SPRY3: variants seen among roughly 807,000 people sequenced by gnomAD.
SPRY3 encodes sprouty RTK signaling antagonist 3.
SPRY3 carries 15 observed loss-of-function variants against 20.2 expected under a neutral mutation model. The ratio of observed to expected loss-of-function variants is 0.74; its 90% CI spans 0.50 to 1.14. The LOEUF (loss-of-function observed/expected upper bound fraction) is 1.14, where lower values mean the gene tolerates loss of function less well. Ranked by LOEUF, SPRY3 falls within the 50% of genes most tolerant of loss-of-function variation. The pLI, the probability that SPRY3 is intolerant of heterozygous loss-of-function variation, is 0.00. For missense variants in SPRY3, 364 were observed against 363.9 expected, an observed-to-expected ratio of 1.00 and a Z score of 0.00; for synonymous variants, 143 against 136.5, an observed-to-expected ratio of 1.05 and a Z score of -0.33.
intron 2 of SPRY3, among the ~76,000 whole-genome samples, chrX:155,760,832 G>C (rs949158812): frequency 7.2e-5 from 11 of 152,094 alleles, no homozygotes; most frequent in Admixed American, 7.2e-4. Context: ...ACCTCTTGCT[G>C]TGTGGCCTGG....
Position 155,697,633 on chromosome X carries a change from G to GGT in SPRY3, c.-282+40629_-282+40630dup, listed in dbSNP as rs746391298. ...TGCCTGGTTGTGCATTGTAGGTAGG[G>GGT]GTGTGTGTGTGTGTGTGTGTGTCTG... is the stretch of plus-strand genomic sequence containing the variant. On this transcript the variant is annotated intron_variant, in intron 2 of 3. Coordinates refer to ENST00000675360, the Ensembl canonical transcript of SPRY3. 5.0e-3 allele frequency among the ~76,000 whole-genome samples: 525 copies of GGT among 104,737 alleles called. 3 individuals carry two copies. The highest frequency in any genetic ancestry group is 0.014 in the African/African-American group (411 of 28,747). The allele number at this position is 104,737 out of a possible 115,157, so 91.0% of individuals were successfully genotyped here. A position where few individuals can be genotyped will look rare whatever the true frequency, so the allele number is the denominator to read the frequency against.
At chrX:155,629,888 G>GCAA (rs1159884569) in intron 1 of SPRY3, among the ~76,000 whole-genome samples, 4 of 111,805 alleles carry the variant, frequency 3.6e-5, no homozygotes, top group Admixed American at 9.5e-5. Flanking sequence ...TTGCTATACA[G>GCAA]CAACTTTTTA....
chrX:155,652,168 C>T (rs782377448), intron 1 of SPRY3, among the ~76,000 whole-genome samples: 1 of 111,520 alleles, frequency 9.0e-6, no homozygotes, highest in East Asian at 2.8e-4. Context: ...GGCCCCTCCT[C>T]CAACATTGGG....
chrX:155,764,878 G>T (rs1364744004), intron 2 of SPRY3, among the ~76,000 whole-genome samples: 1 of 152,156 alleles, frequency 6.6e-6, no homozygotes, highest in Non-Finnish European at 1.5e-5. Context: ...CCTTTGACTA[G>T]ATAACTTATA....
intron 3 of SPRY3, among the ~76,000 whole-genome samples, chrX:155,768,573 C>T (rs960206921): frequency 6.6e-6 from 1 of 152,184 alleles, no homozygotes; most frequent in Non-Finnish European, 1.5e-5. Flanking sequence ...TATTGGCTCA[C>T]AAGTCTGGGC....
chrX:155,697,931 A>G (rs2068124680), intron 2 of SPRY3, among the ~76,000 whole-genome samples: 2 of 111,384 alleles, frequency 1.8e-5, no homozygotes, highest in African/African-American at 6.5e-5. Flanking sequence ...TGGTTCATAT[A>G]TTAGTAAAGA....
chrX:155,748,777 G>A (rs1016987565), intron 2 of SPRY3, among the ~76,000 whole-genome samples: 3 of 151,748 alleles, frequency 2.0e-5, no homozygotes, highest in Non-Finnish European at 2.9e-5. Context: ...CTCTTTCCAC[G>A]TACAATAAAC....
intron 2 of SPRY3, among the ~76,000 whole-genome samples, chrX:155,715,532 C>T (rs1361340715): frequency 6.6e-6 from 1 of 152,038 alleles, no homozygotes; most frequent in East Asian, 1.9e-4. Context: ...AGCTGCACTG[C>T]CTGTGATTGG....
At chrX:155,730,282 C>A (rs2091124625) in intron 2 of SPRY3, among the ~76,000 whole-genome samples, 1 of 152,034 alleles carries the variant, frequency 6.6e-6, no homozygotes, top group South Asian at 2.1e-4. Context: ...ATGCAAAAAT[C>A]CTCAACAAAA....
At chrX:155,739,531 G>A (rs769625713) in intron 2 of SPRY3, among the ~76,000 whole-genome samples, 5 of 152,254 alleles carry the variant, frequency 3.3e-5, no homozygotes, top group African/African-American at 1.2e-4. Flanking sequence ...CCCAACAGGG[G>A]TCTCCAGATA....
chrX:155,659,388 G>A (rs182342845), intron 2 of SPRY3, among the ~76,000 whole-genome samples: 48 of 109,938 alleles, frequency 4.4e-4, no homozygotes, highest in Non-Finnish European at 4.7e-4. Context: ...CTCGTGATCC[G>A]CCCGCCTTGG....
intron 2 of SPRY3, among the ~76,000 whole-genome samples, chrX:155,723,761 T>C (rs1473375690): frequency 8.5e-5 from 13 of 152,316 alleles, no homozygotes; most frequent in Middle Eastern, 3.4e-3. Context: ...GTAGTTTCTT[T>C]TGCTGTGCAG....
At chrX:155,665,580 G>A (rs1557354254) in intron 2 of SPRY3, among the ~76,000 whole-genome samples, 1 of 111,434 alleles carries the variant, frequency 9.0e-6, no homozygotes, top group Non-Finnish European at 1.9e-5. Flanking sequence ...TCATAACATT[G>A]AGGGGGGAAA....
At chrX:155,773,888 C>A (rs1434441424) in exon 4 of SPRY3, 1 of 1,613,688 alleles carries the variant, frequency 6.2e-7, no homozygotes. Context: ...GCTGCGGTGA[C>A]AGATGATTTT....
chrX:155,704,307 A>T lies in SPRY3; in HGVS notation c.-282+47282A>T, dbSNP rs1354743053. ...ATAGATGGGTAATTTCTGCAGAGAG[A>T]TCAAAACTATAATAAAGAATCAAAT... On this transcript the variant is annotated intron_variant, in intron 2 of 3. Transcript: ENST00000675360. Among the ~76,000 whole-genome samples, 4 of 151,790 alleles carry T rather than the reference A, an allele frequency of 2.6e-5. No homozygotes were observed. In the East Asian group the frequency reaches 7.7e-4, roughly 29 times the overall value.
At position 155,682,760 on chromosome X, in the gene SPRY3, C is replaced by T. The variant is rs186627135; in HGVS notation, c.-282+25735C>T. On this transcript the variant is annotated intron_variant, in intron 2 of 3. Coordinates refer to ENST00000675360, the Ensembl canonical transcript of SPRY3. The stretch of plus-strand genomic sequence containing the variant: ...TAAAAAATACATTTTTTAATGCTAC[C>T]GCTGCTATACATAGTGATTCCACTG... Among the ~76,000 whole-genome samples, 3 of 112,008 alleles carry T rather than the reference C, an allele frequency of 2.7e-5. No homozygotes were observed. The Admixed American group carries it at 2.8e-4, about 11-fold the overall frequency.
At chrX:155,753,301 G>T (rs1443330416) in intron 2 of SPRY3, among the ~76,000 whole-genome samples, 7 of 141,884 alleles carry the variant, frequency 4.9e-5, no homozygotes, top group African/African-American at 1.8e-4. Context: ...ACTTTTCTTT[G>T]TGGATTTGCA....
intron 2 of SPRY3, among the ~76,000 whole-genome samples, chrX:155,748,075 A>G (rs1224136590): frequency 6.6e-6 from 1 of 151,902 alleles, no homozygotes; most frequent in Non-Finnish European, 1.5e-5. Context: ...GCACTGTTCC[A>G]GAGAGGGAGA....
intron 2 of SPRY3, among the ~76,000 whole-genome samples, chrX:155,735,264 C>G (rs1162093409): frequency 2.0e-5 from 3 of 151,670 alleles, no homozygotes; most frequent in South Asian, 2.1e-4. Context: ...GTTTTAAAGC[C>G]CAAGATGTGA....
Sources: allele counts gnomAD v4.1 joint callset (sites outside exome capture counted in the v4.1 genomes callset), GRCh38; gene constraint gnomAD v4.1.1; transcripts MANE v1.5; gene names NCBI Gene and HGNC (gene_info 2026-07-23, HGNC 2026-07-21).